The following RBPMS variants were observed in gnomAD, a reference collection of about 807,000 sequenced individuals.
RBPMS encodes RNA-binding protein with multiple splicing.
Under a neutral mutation model 26.8 loss-of-function variants are expected in RBPMS, and 7 were observed. That is an observed-to-expected ratio of 0.26 (90% confidence interval 0.15 to 0.49). RBPMS has a LOEUF of 0.49. Among genes scored for constraint, RBPMS ranks in the 20% least tolerant of loss-of-function variants. RBPMS has a pLI of 0.98. For missense variants in RBPMS, 186 were observed against 250.0 expected (o/e 0.74, Z 1.73); for synonymous variants, 96 against 93.3 (o/e 1.03, Z -0.17).
chr8:30,564,339 T>A (rs1827731283), intron 7 of RBPMS: 1 of 152,216 alleles, frequency 6.6e-6, no homozygotes. Flanking sequence ...TGGGAGAGTG[T>A]GCAGGGCCCT....
At chr8:30,523,222 C>A (rs971513192) in intron 5 of RBPMS, among the ~76,000 whole-genome samples, 2 of 151,766 alleles carry the variant, frequency 1.3e-5, no homozygotes, top group Non-Finnish European at 2.9e-5. Flanking sequence ...ACTAAAAATA[C>A]AAAAATTAGC....
intron 1 of RBPMS, among the ~76,000 whole-genome samples, chr8:30,392,347 A>G (rs373121664): frequency 1.3e-5 from 2 of 152,288 alleles, no homozygotes; most frequent in East Asian, 3.9e-4. Flanking sequence ...GTGAATGAAC[A>G]CACAGAGGCT....
At chr8:30,552,834 A>G (rs1438490324) in intron 6 of RBPMS, 2 of 152,238 alleles carry the variant, frequency 1.3e-5, no homozygotes, top group Admixed American at 1.3e-4. Flanking sequence ...CATTAAACCC[A>G]GCTTTGATCA....
At chr8:30,443,147 G>A (rs1413655340) in intron 1 of RBPMS, among the ~76,000 whole-genome samples, 1 of 152,134 alleles carries the variant, frequency 6.6e-6, no homozygotes, top group African/African-American at 2.4e-5. Flanking sequence ...TCCACAACCC[G>A]AATCTGGAAT....
At chr8:30,529,653 T>C (rs1452592383) in intron 5 of RBPMS, among the ~76,000 whole-genome samples, 1 of 152,194 alleles carries the variant, frequency 6.6e-6, no homozygotes, top group African/African-American at 2.4e-5. Context: ...ATCATATAAG[T>C]GGAGTCATAC....
chr8:30,514,334 C>A (rs1822055281), intron 5 of RBPMS, among the ~76,000 whole-genome samples: 1 of 151,974 alleles, frequency 6.6e-6, no homozygotes, highest in African/African-American at 2.4e-5. Flanking sequence ...TTCCTTTAAT[C>A]CATTTTTACT....
At chr8:30,552,581 GTTAAAAA>G (rs1229985702) in intron 6 of RBPMS, 1 of 152,226 alleles carries the variant, frequency 6.6e-6, no homozygotes, top group African/African-American at 2.4e-5. Context: ...AGCAAACATA[GTTAAAAA>G]TTAACAGACT....
At chr8:30,408,196 C>A (rs1243621994) in intron 1 of RBPMS, among the ~76,000 whole-genome samples, 1 of 152,150 alleles carries the variant, frequency 6.6e-6, no homozygotes, top group East Asian at 1.9e-4. Flanking sequence ...CTCTCCCCAC[C>A]CTTAGTCCAT....
At chr8:30,519,784 C>T (rs969280139) in intron 5 of RBPMS, among the ~76,000 whole-genome samples, 2 of 152,090 alleles carry the variant, frequency 1.3e-5, no homozygotes, top group Admixed American at 6.5e-5. Flanking sequence ...TGAGCCACCG[C>T]GCCTGGCCGG....
chr8:30,548,882 T>G (rs1050363716), intron 6 of RBPMS, among the ~76,000 whole-genome samples: 3 of 152,156 alleles, frequency 2.0e-5, no homozygotes, highest in Non-Finnish European at 4.4e-5. Context: ...CTGTAGGAAA[T>G]AACTGAGAAA....
intron 4 of RBPMS, among the ~76,000 whole-genome samples, chr8:30,480,047 G>C (rs965716257): frequency 4.6e-5 from 7 of 152,162 alleles, no homozygotes; most frequent in Non-Finnish European, 8.8e-5. Context: ...CAATTTAAGG[G>C]AACTAAGTTA....
chr8:30,516,844 T>G (rs932901384), intron 5 of RBPMS, among the ~76,000 whole-genome samples: 4 of 151,768 alleles, frequency 2.6e-5, no homozygotes, highest in African/African-American at 9.7e-5. Flanking sequence ...TAGTGTATCT[T>G]GTCTGTGAAT....
intron 7 of RBPMS, chr8:30,564,063 ATAAT>A (rs1827712873): frequency 6.6e-6 from 1 of 151,850 alleles, no homozygotes; most frequent in Non-Finnish European, 1.5e-5. Context: ...CAGGGAATAA[ATAAT>A]AAGGCCAGGT....
chr8:30,551,503 CATTACTCT>C (rs1826379676), intron 6 of RBPMS, among the ~76,000 whole-genome samples: 1 of 152,332 alleles, frequency 6.6e-6, no homozygotes, highest in African/African-American at 2.4e-5. Context: ...TCCATTACTC[CATTACTCT>C]CCATTTGGTA....
At chr8:30,536,887 A>G (rs1341348297) in intron 5 of RBPMS, among the ~76,000 whole-genome samples, 2 of 152,134 alleles carry the variant, frequency 1.3e-5, no homozygotes, top group African/African-American at 4.8e-5. Context: ...TTGTTCATAG[A>G]TGTAAAACCA....
At chr8:30,504,764 C>T (rs1451439926) in intron 5 of RBPMS, among the ~76,000 whole-genome samples, 16 of 152,150 alleles carry the variant, frequency 1.1e-4, no homozygotes, top group Non-Finnish European at 1.3e-4. Context: ...TGCTCGGACA[C>T]GAGAGCTGGT....
chr8:30,446,628 C>T (rs1317392615), intron 1 of RBPMS, among the ~76,000 whole-genome samples: 1 of 152,046 alleles, frequency 6.6e-6, no homozygotes, highest in African/African-American at 2.4e-5. Flanking sequence ...GAAAAGTGGT[C>T]TATATTTATC....
Position 30,535,588 on chromosome 8 carries a change from T to C in RBPMS, c.398-8906T>C, listed in dbSNP as rs7823841. Among the ~76,000 whole-genome samples the C allele has an allele frequency of 9.8e-3, 1,494 of 152,338 alleles. 22 individuals carry two copies. Among genetic ancestry groups the C allele is most frequent in the African/African-American group, 0.031 (1,280 of 41,578 alleles). On this transcript the variant is annotated intron_variant, in intron 5 of 8. Transcript: ENST00000397323. ...ATCAAAGAAATCTACATTAAAATAATAGACTTTAATAACATTTCTTTAGAT... is the reference window on the plus strand; with the variant it reads ...ATCAAAGAAATCTACATTAAAATAACAGACTTTAATAACATTTCTTTAGAT...
intron 4 of RBPMS, among the ~76,000 whole-genome samples, chr8:30,486,014 A>G (rs1252869827): frequency 6.6e-6 from 1 of 152,246 alleles, no homozygotes; most frequent in Non-Finnish European, 1.5e-5. Flanking sequence ...ATTTGAATTT[A>G]TGAAGCATTT....
Sources: gnomAD v4.1 joint callset for allele counts (sites outside exome capture counted in the v4.1 genomes callset) on GRCh38, gnomAD v4.1.1 for gene constraint, MANE v1.5 for transcripts, NCBI Gene and HGNC (gene_info 2026-07-23, HGNC 2026-07-21) for gene names.